NCK2: variants seen among roughly 807,000 people sequenced by gnomAD.
NCK2 encodes cytoplasmic protein NCK2.
In NCK2, 16 loss-of-function variants were observed where a neutral mutation model predicts 33.9. The ratio of observed to expected loss-of-function variants is 0.47; its 90% CI spans 0.32 to 0.72. The LOEUF (loss-of-function observed/expected upper bound fraction) is 0.72, where lower values mean the gene tolerates loss of function less well. Among genes scored for constraint, NCK2 ranks in the 30% least tolerant of loss-of-function variants. NCK2 has a pLI of 0.03. For synonymous variants in NCK2, 273 were observed against 239.9 expected, an observed-to-expected ratio of 1.14 and a Z score of -1.27; for missense variants, 418 against 537.3, an observed-to-expected ratio of 0.78 and a Z score of 2.19.
chr2:105,774,568 TCAATTTGGG>T (rs1478635477), intron 1 of NCK2, among the ~76,000 whole-genome samples: 1 of 152,052 alleles, frequency 6.6e-6, no homozygotes, highest in Non-Finnish European at 1.5e-5. Context: ...TTTGATCGTC[TCAATTTGGG>T]CAGGTGTCCA....
chr2:105,844,575 A>C (rs1573192746), intron 2 of NCK2, among the ~76,000 whole-genome samples: 1 of 82,830 alleles, frequency 1.2e-5, no homozygotes, highest in Non-Finnish European at 3.0e-5. Flanking sequence ...AGAAAAAAAC[A>C]AAAAAAAAAA....
At chr2:105,812,771 A>G (rs1675336434) in intron 1 of NCK2, among the ~76,000 whole-genome samples, 1 of 90,374 alleles carries the variant, frequency 1.1e-5, no homozygotes, top group Non-Finnish European at 2.3e-5. Flanking sequence ...ACCCGAGTCC[A>G]ACATCTGCTC....
At chr2:105,809,092 T>G (rs961200761) in intron 1 of NCK2, among the ~76,000 whole-genome samples, 2 of 152,220 alleles carry the variant, frequency 1.3e-5, no homozygotes, top group Admixed American at 1.3e-4. Flanking sequence ...AACTGGGTTT[T>G]GAAGAATGAA....
intron 2 of NCK2, among the ~76,000 whole-genome samples, chr2:105,833,811 C>A (rs1051565758): frequency 5.3e-5 from 8 of 152,086 alleles, no homozygotes; most frequent in Non-Finnish European, 1.2e-4. Flanking sequence ...TCCCTCTTAG[C>A]ACTGCTTTTG....
At chr2:105,763,033 A>G (rs1043974670) in intron 1 of NCK2, among the ~76,000 whole-genome samples, 3 of 152,140 alleles carry the variant, frequency 2.0e-5, no homozygotes, top group African/African-American at 7.2e-5. Flanking sequence ...CGTCTCTACT[A>G]AAGAATACAA....
chr2:105,755,917 A>C, intron 1 of NCK2, among the ~76,000 whole-genome samples: 1 of 152,216 alleles, frequency 6.6e-6, no homozygotes, highest in Non-Finnish European at 1.5e-5. Flanking sequence ...TTCTTTGTAT[A>C]GTTCTAAAAT....
chr2:105,816,741 G>C (rs563484511), intron 2 of NCK2, 128 bp downstream of exon 2: 1 of 152,146 alleles, frequency 6.6e-6, no homozygotes, highest in South Asian at 2.1e-4. Flanking sequence ...TTAAATTTAA[G>C]CTTTCAATGA....
rs1679057106 is a variant in NCK2, at chr2:105,893,062, C to T, written c.1029C>T (p.Cys343=). The change falls in exon 5 of 5, where the codon TGC becomes TGT. Residue 343 remains cysteine, a synonymous_variant. Coordinates refer to ENST00000233154, the MANE Select transcript of NCK2 (RefSeq NM_003581.5). ...FKVQLVDNVY[C]IGQRRFHTMD... ...TGCAGCTCGTGGACAATGTCTACTG[C>T]ATTGGGCAGCGGCGCTTCCACACCA... is the stretch of plus-strand genomic sequence containing the variant. The T allele has an allele frequency of 6.2e-7, 1 of 1,614,070 alleles. No homozygotes were observed. The highest frequency in any genetic ancestry group is 8.5e-7 in the Non-Finnish European group (1 of 1,180,038).
Position 105,826,621 on chromosome 2 carries a change from G to A in NCK2, c.-17+10008G>A, listed in dbSNP as rs867688246. ...ATTAGAGCCAAATTCCCAATGGATT[G>A]CATGGTAAAGGGCTCTGGATTTGGG... On this transcript the variant is annotated intron_variant, in intron 2 of 4. Transcript: ENST00000233154. Among the ~76,000 whole-genome samples, 3 of 152,248 alleles carry A rather than the reference G, an allele frequency of 2.0e-5. No homozygotes were observed. The South Asian group carries it at 6.2e-4, about 32-fold the overall frequency.
intron 1 of NCK2, among the ~76,000 whole-genome samples, chr2:105,750,037 A>AACAC (rs72315025): frequency 0.12 from 16,902 of 144,282 alleles, 1,192 homozygotes; most frequent in Admixed American, 0.23. Context: ...AAAGCAAACA[A>AACAC]ACACACACAC....
At chr2:105,769,969 C>A (rs1690075574) in intron 1 of NCK2, among the ~76,000 whole-genome samples, 2 of 152,164 alleles carry the variant, frequency 1.3e-5, no homozygotes, top group Non-Finnish European at 2.9e-5. Flanking sequence ...CTGACTTGTG[C>A]TGGCTACTTT....
chr2:105,856,224 T>C (rs1314795712), intron 3 of NCK2, among the ~76,000 whole-genome samples: 1 of 152,208 alleles, frequency 6.6e-6, no homozygotes, highest in Non-Finnish European at 1.5e-5. Flanking sequence ...CAGTCTTGCC[T>C]TTACATGCAC....
At chr2:105,858,919 T>C (rs1036418107) in intron 3 of NCK2, among the ~76,000 whole-genome samples, 1 of 152,220 alleles carries the variant, frequency 6.6e-6, no homozygotes, top group Non-Finnish European at 1.5e-5. Flanking sequence ...CTTATGATCA[T>C]GAATAGTCAG....
chr2:105,753,014 A>C (rs952010848), intron 1 of NCK2, among the ~76,000 whole-genome samples: 2 of 152,150 alleles, frequency 1.3e-5, no homozygotes, highest in Admixed American at 1.3e-4. Flanking sequence ...TTGTATCTTC[A>C]TCGCTAAGGA....
At chr2:105,835,409 G>GTGTATATATATATAAGTA (rs56250020) in intron 2 of NCK2, among the ~76,000 whole-genome samples, 2 of 59,322 alleles carry the variant, frequency 3.4e-5, no homozygotes, top group East Asian at 5.4e-4. Context: ...ATATATACGT[G>GTGTATATATATATAAGTA]TATATATATA....
At position 105,816,455 on chromosome 2, in the gene NCK2, C is replaced by T. The variant is rs1573626177; in HGVS notation, c.-175C>T. On this transcript the variant is annotated 5_prime_UTR_variant, in exon 2 of 5. Transcript: ENST00000233154. ...ATTTCATGTGTTCTTTGTATACAAG[C>T]GACGTCCCAGATTATAATTCTCTGC... 3 of 152,264 alleles carry T rather than the reference C, an allele frequency of 2.0e-5. No individual in the cohort carries two copies. The highest frequency in any genetic ancestry group is 4.1e-4 in the South Asian group (2 of 4,826). The allele number at this position is 152,264 out of a possible 1,614,324, so 9.4% of individuals were successfully genotyped here.
intron 1 of NCK2, among the ~76,000 whole-genome samples, chr2:105,747,848 A>G (rs977107741): frequency 1.3e-5 from 2 of 152,236 alleles, no homozygotes; most frequent in African/African-American, 4.8e-5. Flanking sequence ...GGCAACTCAG[A>G]AGAAGGTCGT....
chr2:105,782,996 G>A (rs541104606), intron 1 of NCK2, among the ~76,000 whole-genome samples: 2 of 152,318 alleles, frequency 1.3e-5, no homozygotes, highest in South Asian at 4.1e-4. Context: ...TGAGTTGGTC[G>A]ACTATCATTT....
chr2:105,745,144 C>G lies in NCK2; in HGVS notation c.-201+6C>G, dbSNP rs1393286574. 1 of 148,340 alleles carries G rather than the reference C, an allele frequency of 6.7e-6. No individual in the cohort carries two copies. The highest frequency in any genetic ancestry group is 1.5e-5 in the Non-Finnish European group (1 of 66,702). 9.2% of individuals were successfully genotyped at this position (148,340 alleles called of 1,614,324 possible). Reference sequence around the variant, plus strand: ...CGCGGGCGGCCCACGGCGAGGTAAGCGCGGCTAGGCGGGCGTGGGGCGGGG... The same window carrying G: ...CGCGGGCGGCCCACGGCGAGGTAAGGGCGGCTAGGCGGGCGTGGGGCGGGG... On this transcript the variant is annotated splice_donor_region_variant and intron_variant, in intron 1 of 4. Coordinates refer to ENST00000233154, the MANE Select transcript of NCK2 (RefSeq NM_003581.5).
Sources: allele counts gnomAD v4.1 joint callset (sites outside exome capture counted in the v4.1 genomes callset), GRCh38; gene constraint gnomAD v4.1.1; transcripts MANE v1.5; gene names NCBI Gene and HGNC (gene_info 2026-07-23, HGNC 2026-07-21).